The following WDR25 variants were observed in gnomAD, a reference collection of about 807,000 sequenced individuals.
WDR25 encodes the protein WD repeat-containing protein 25.
In WDR25, 35 loss-of-function variants were observed where a neutral mutation model predicts 47.7. The ratio of observed to expected loss-of-function variants is 0.73; its 90% CI spans 0.56 to 0.97. WDR25 has a LOEUF of 0.97. WDR25 is among the 50% of genes least tolerant of loss of function. The pLI is 0.00. For synonymous variants in WDR25, 248 were observed against 278.9 expected, an observed-to-expected ratio of 0.89 and a Z score of 1.10; for missense variants, 634 against 704.7, an observed-to-expected ratio of 0.90 and a Z score of 1.14.
At chr14:100,397,692 G>A (rs184279731) in intron 2 of WDR25, among the ~76,000 whole-genome samples, 9 of 152,318 alleles carry the variant, frequency 5.9e-5, no homozygotes, top group Non-Finnish European at 1.2e-4. Flanking sequence ...CAGCAGCAAA[G>A]CGATAGAAAA....
chr14:100,503,797 G>A (rs375514271), intron 4 of WDR25: 18 of 152,318 alleles, frequency 1.2e-4, no homozygotes, highest in African/African-American at 2.4e-4. Context: ...GGTGTAATTC[G>A]CTTTAATTAT....
intron 4 of WDR25, among the ~76,000 whole-genome samples, chr14:100,508,078 A>G (rs1230630139): frequency 6.6e-6 from 1 of 152,208 alleles, no homozygotes; most frequent in African/African-American, 2.4e-5. Flanking sequence ...ATTCACCATG[A>G]TCAAGTAGGC....
chr14:100,455,690 G>A (rs58396678), intron 2 of WDR25, among the ~76,000 whole-genome samples: 9,891 of 152,254 alleles, frequency 0.065, 802 homozygotes, highest in African/African-American at 0.19. Context: ...GAATAATCAT[G>A]TGAAAAACTA....
intron 1 of WDR25, among the ~76,000 whole-genome samples, chr14:100,380,654 T>C (rs12894936): frequency 0.55 from 83,608 of 151,768 alleles, 25,952 homozygotes; most frequent in South Asian, 0.82. Context: ...CCACCCTGCC[T>C]CGCTACTTTT....
At chr14:100,441,723 A>C (rs1032510419) in intron 2 of WDR25, among the ~76,000 whole-genome samples, 1 of 152,156 alleles carries the variant, frequency 6.6e-6, no homozygotes, top group Non-Finnish European at 1.5e-5. Flanking sequence ...CGCTTCTGTC[A>C]TAGGGCTGCT....
chr14:100,453,073 G>A (rs975894268), intron 2 of WDR25, among the ~76,000 whole-genome samples: 2 of 152,080 alleles, frequency 1.3e-5, no homozygotes, highest in Non-Finnish European at 2.9e-5. Context: ...AGGGGGAAGG[G>A]CATAAAGGAG....
At chr14:100,456,480 CAACT>C (rs754828878) in intron 2 of WDR25, among the ~76,000 whole-genome samples, 30 of 152,074 alleles carry the variant, frequency 2.0e-4, no homozygotes, top group Non-Finnish European at 1.5e-4. Context: ...ACTGTTCAAC[CAACT>C]ATTATAAACA....
At position 100,449,526 on chromosome 14, in the gene WDR25, G is replaced by A. The variant is rs1317366384; in HGVS notation, c.823-18495G>A. 6.6e-6 allele frequency among the ~76,000 whole-genome samples: 1 copy of A among 152,222 alleles called. No homozygotes were observed. The highest frequency in any genetic ancestry group is 2.4e-5 in the African/African-American group (1 of 41,462). On this transcript the variant is annotated intron_variant, in intron 2 of 6. Coordinates refer to ENST00000402312, the MANE Select transcript of WDR25 (RefSeq NM_001161476.3). The surrounding 1 kb of genome is among the most constrained non-coding windows in gnomAD (Gnocchi z 4.2). ...TCAGCTGGGTCTCTGGAAAAGCTGA[G>A]GTCAGGAGGCCTGTGCCCTGGGACA...
intron 4 of WDR25, among the ~76,000 whole-genome samples, chr14:100,519,745 A>G (rs868026571): frequency 9.3e-5 from 12 of 128,506 alleles, no homozygotes; most frequent in South Asian, 2.1e-4. Context: ...TATATATAGT[A>G]TATATATAGT....
intron 2 of WDR25, among the ~76,000 whole-genome samples, chr14:100,433,671 C>A (rs949783627): frequency 6.6e-6 from 1 of 152,154 alleles, no homozygotes; most frequent in East Asian, 1.9e-4. Context: ...ATTCCCCCCC[C>A]ATTAGTCTGT....
intron 4 of WDR25, among the ~76,000 whole-genome samples, chr14:100,510,532 T>G: frequency 6.6e-6 from 1 of 151,700 alleles, no homozygotes; most frequent in Non-Finnish European, 1.5e-5. Flanking sequence ...GGTCAGGAGT[T>G]CAAGACCAGC....
intron 2 of WDR25, among the ~76,000 whole-genome samples, chr14:100,462,637 A>G (rs1899452854): frequency 6.6e-6 from 1 of 152,140 alleles, no homozygotes; most frequent in African/African-American, 2.4e-5. Context: ...ATCTCCTTAC[A>G]TGTTTCCGTG....
intron 3 of WDR25, among the ~76,000 whole-genome samples, chr14:100,471,180 C>T (rs899558081): frequency 6.6e-6 from 1 of 152,124 alleles, no homozygotes; most frequent in African/African-American, 2.4e-5. Context: ...CTCTCCCTGG[C>T]TGGCTTGGGA....
intron 2 of WDR25, among the ~76,000 whole-genome samples, chr14:100,426,641 T>C (rs886771981): frequency 1.2e-4 from 18 of 152,192 alleles, no homozygotes; most frequent in African/African-American, 4.1e-4. Flanking sequence ...CCCACAGCTA[T>C]CCTAGAATGG....
intron 2 of WDR25, among the ~76,000 whole-genome samples, chr14:100,443,035 G>A (rs1005516145): frequency 6.6e-6 from 1 of 152,212 alleles, no homozygotes; most frequent in Admixed American, 6.5e-5. Context: ...CCAGGCGCTC[G>A]CACACAGGTG....
At chr14:100,464,888 C>T (rs1367953716) in intron 2 of WDR25, among the ~76,000 whole-genome samples, 2 of 148,994 alleles carry the variant, frequency 1.3e-5, no homozygotes, top group Non-Finnish European at 3.0e-5. Flanking sequence ...ATCTCCTTTA[C>T]CTCATTTCAT....
rs765678258 is a variant in WDR25 at position 100,529,786 on chromosome 14, G to A, written c.1414-34G>A. Reference sequence around the variant, plus strand: ...GCATACTCACCCCGGCTTGACAGGTGCGGCTTGCTCACCCACTGTGTCCCT... The same window carrying A: ...GCATACTCACCCCGGCTTGACAGGTACGGCTTGCTCACCCACTGTGTCCCT... On this transcript the variant is annotated intron_variant, in intron 6 of 6. Transcript: ENST00000402312. The surrounding 1 kb of genome is among the most constrained non-coding windows in gnomAD (Gnocchi z 5.1). 8.8e-6 allele frequency: 14 copies of A among 1,599,516 alleles called. No individual in the cohort carries two copies. The South Asian group carries it at 1.3e-4, about 15-fold the overall frequency.
At chr14:100,507,418 A>C (rs181542976) in intron 4 of WDR25, among the ~76,000 whole-genome samples, 84 of 152,264 alleles carry the variant, frequency 5.5e-4, no homozygotes, top group African/African-American at 1.9e-3. Flanking sequence ...ATTTTAGAGC[A>C]GTTTTTTCTA....
chr14:100,391,422 C>T (rs558328000), intron 2 of WDR25, among the ~76,000 whole-genome samples: 219 of 152,318 alleles, frequency 1.4e-3, no homozygotes, highest in Non-Finnish European at 2.5e-3. Context: ...CCCACACTGA[C>T]GCTGGCTATT....
Sources: gnomAD v4.1 joint callset for allele counts (sites outside exome capture counted in the v4.1 genomes callset) on GRCh38, gnomAD v4.1.1 for gene constraint, Gnocchi (gnomAD v3.1) non-coding constraint, MANE v1.5 for transcripts, NCBI Gene and HGNC (gene_info 2026-07-23, HGNC 2026-07-21) for gene names.